The following SASH1 variants were observed in gnomAD, a reference collection of about 807,000 sequenced individuals.
SASH1 encodes the protein SAM and SH3 domain containing 1.
SASH1 carries 44 observed loss-of-function variants against 125.2 expected under a neutral mutation model. That is an observed-to-expected ratio of 0.35 (90% CI 0.28 to 0.45). The LOEUF is 0.45. SASH1 is among the 20% of genes least tolerant of loss of function. The pLI is 1.00. For synonymous variants in SASH1, 639 were observed against 649.1 expected (o/e 0.98, Z 0.24); for missense variants, 1,426 against 1,614.5 (o/e 0.88, Z 2.00).
At chr6:148,342,067 T>C (rs1295000201), upstream of SASH1, among the ~76,000 whole-genome samples, 9 of 152,134 alleles carry the variant, frequency 5.9e-5, no homozygotes, top group Admixed American at 1.3e-4. Flanking sequence ...GTTTCGAAAA[T>C]AGCCCTTCCC....
the SASH1 span, among the ~76,000 whole-genome samples, chr6:148,216,762 G>A: frequency 6.6e-5 from 10 of 151,480 alleles, no homozygotes; most frequent in East Asian, 1.9e-4. Flanking sequence ...ACAGAGTCAC[G>A]CTCTGTCTCC....
intron 2 of SASH1, among the ~76,000 whole-genome samples, chr6:148,436,785 C>G (rs1384334964): frequency 6.6e-6 from 1 of 152,210 alleles, no homozygotes; most frequent in Non-Finnish European, 1.5e-5. Flanking sequence ...TATTGCCTTT[C>G]TGAATTCATA....
rs561474100 is a variant in SASH1, at chr6:148,297,646, G to A, written n.74+25269G>A. On this transcript the variant is annotated intron_variant and non_coding_transcript_variant, in intron 1 of 3. Transcript: ENST00000367469. ...AGTTCAAGACCAGCCTGGGCAACAC[G>A]ATGAAACACTGTCTCCACTGAAATA... Among the ~76,000 whole-genome samples the A allele has an allele frequency of 1.1e-4, 17 of 152,228 alleles. No homozygotes were observed. In the East Asian group the frequency reaches 2.5e-3, roughly 23 times the overall value.
intron 4 of SASH1, among the ~76,000 whole-genome samples, chr6:148,449,436 G>A (rs1320064760): frequency 1.3e-5 from 2 of 149,716 alleles, no homozygotes; most frequent in East Asian, 3.9e-4. Flanking sequence ...TGCCCAGGCT[G>A]GAGTGCAATG....
intron 1 of SASH1, among the ~76,000 whole-genome samples, chr6:148,293,691 C>T (rs998555818): frequency 2.6e-5 from 4 of 152,180 alleles, no homozygotes; most frequent in Non-Finnish European, 5.9e-5. Context: ...CATGCCAGCA[C>T]CCTTTAAGCC....
At chr6:148,268,378 C>T (rs1778989657), upstream of SASH1, among the ~76,000 whole-genome samples, 1 of 152,156 alleles carries the variant, frequency 6.6e-6, no homozygotes, top group African/African-American at 2.4e-5. Flanking sequence ...TTACTTGAAG[C>T]TCACATGGGA....
chr6:148,418,813 C>T (rs1436287445), intron 2 of SASH1, among the ~76,000 whole-genome samples: 1 of 122,328 alleles, frequency 8.2e-6, no homozygotes. Flanking sequence ...GAGGCAGCAT[C>T]TTTAATTTCT....
chr6:148,411,537 T>A (rs1219141411), intron 2 of SASH1, among the ~76,000 whole-genome samples: 1 of 152,170 alleles, frequency 6.6e-6, no homozygotes, highest in East Asian at 1.9e-4. Flanking sequence ...ATTTTTATTT[T>A]ATTTATTAGT....
At chr6:148,451,679 C>T (rs922630516) in intron 4 of SASH1, among the ~76,000 whole-genome samples, 1 of 152,160 alleles carries the variant, frequency 6.6e-6, no homozygotes, top group African/African-American at 2.4e-5. Flanking sequence ...ATAATACCTT[C>T]AGATGAAGGT....
chr6:148,504,091 A>G lies in SASH1; in HGVS notation c.730-10233A>G, dbSNP rs181112566. Among the ~76,000 whole-genome samples the G allele has an allele frequency of 4.8e-3, 729 of 152,312 alleles. 2 individuals are homozygous for G. Among genetic ancestry groups the G allele is most frequent in the Non-Finnish European group, 8.6e-3 (587 of 68,024 alleles). On this transcript the variant is annotated intron_variant, in intron 8 of 19. Coordinates refer to ENST00000367467, the MANE Select transcript of SASH1 (RefSeq NM_015278.5). ...AATATATGTGTGAAGTCCTTGGATA[A>G]AGTATCTTTAGTCTAAGGTAGATGA...
chr6:148,226,766 A>G, the SASH1 span, among the ~76,000 whole-genome samples: 2 of 152,206 alleles, frequency 1.3e-5, no homozygotes, highest in Admixed American at 1.3e-4. Context: ...GTGGTAGAAG[A>G]GTCCATCTCT....
chr6:148,361,977 G>T (rs1158208300), intron 1 of SASH1, among the ~76,000 whole-genome samples: 4 of 135,992 alleles, frequency 2.9e-5, no homozygotes, highest in East Asian at 2.2e-4. Context: ...GCAGTGGCGC[G>T]ATCTCGGCTC....
intron 4 of SASH1, among the ~76,000 whole-genome samples, chr6:148,467,907 A>C (rs1777921251): frequency 6.6e-6 from 1 of 152,152 alleles, no homozygotes; most frequent in African/African-American, 2.4e-5. Context: ...ACTGTACTCC[A>C]GCTTGGACTA....
chr6:148,259,494 C>A, the SASH1 span, among the ~76,000 whole-genome samples: 1 of 152,296 alleles, frequency 6.6e-6, no homozygotes, highest in East Asian at 1.9e-4. Flanking sequence ...CTGTTGAAGG[C>A]GCCACGAAGA....
chr6:148,323,311 C>T (rs917549311), intron 1 of SASH1, among the ~76,000 whole-genome samples: 13 of 152,000 alleles, frequency 8.6e-5, no homozygotes, highest in African/African-American at 2.9e-4. Flanking sequence ...GCCTGGCCAA[C>T]GGTGGCTCTT....
rs192183049 is a variant in SASH1, at chr6:148,361,838, A to T, written c.156+18615A>T. On this transcript the variant is annotated intron_variant, in intron 1 of 19. Transcript: ENST00000367467. ...GCCTCCTCCAGGGTACTTAGTGAGC[A>T]ACAGGAGAGACAGAGACAGAGGGAA... 4.6e-5 allele frequency among the ~76,000 whole-genome samples: 7 copies of T among 152,206 alleles called. No homozygotes were observed. In the East Asian group the frequency reaches 9.7e-4, roughly 21 times the overall value.
Position 148,525,358 on chromosome 6 carries a change from A to T in SASH1, c.1277A>T (p.Asp426Val). The T allele has an allele frequency of 6.2e-7, 1 of 1,613,350 alleles. No individual in the cohort carries two copies. Among genetic ancestry groups the T allele is most frequent in the Non-Finnish European group, 8.5e-7 (1 of 1,179,318 alleles). Residue 426 changes from aspartate to valine, a missense_variant, in exon 11 of 20, where the codon GAC becomes GTC. Physicochemically the swap from Asp to Val is radical, Grantham distance 152. This residue lies in a region of SASH1 where 567 missense variants were observed against 575.6 expected (regional missense o/e 0.99). Transcript: ENST00000367467. ...RSLHVGSNNS[D>V]PMGKEGDFVY... Reference sequence around the variant, plus strand: ...CTGCACGTTGGCAGTAATAATTCTGACCCAATGGTGAGTAACATCAGAGGA... The same window carrying T: ...CTGCACGTTGGCAGTAATAATTCTGTCCCAATGGTGAGTAACATCAGAGGA...
the SASH1 span, among the ~76,000 whole-genome samples, chr6:148,261,140 T>G: frequency 6.6e-6 from 1 of 152,124 alleles, no homozygotes; most frequent in South Asian, 2.1e-4. Context: ...TTGTCCAAAT[T>G]TTCTACTATT....
chr6:148,487,688 A>T lies in SASH1; in HGVS notation c.702A>T (p.Pro234=). ...CTGACTGGCCAGATGGTTCTTACCC[A>T]ACGTTTGATGGCTCATCAAACTGCA... The part of the protein sequence containing the change: ...DPADWPDGSY[P]TFDGSSNCNS... Residue 234 remains proline, a synonymous_variant, in exon 8 of 20, where the codon CCA becomes CCT. Coordinates refer to ENST00000367467, the MANE Select transcript of SASH1 (RefSeq NM_015278.5). 1 of 1,613,362 alleles carries T rather than the reference A, an allele frequency of 6.2e-7. No individual in the cohort carries two copies. Among genetic ancestry groups the T allele is most frequent in the Non-Finnish European group, 8.5e-7 (1 of 1,179,538 alleles).
Sources: gnomAD v4.1 joint callset for allele counts (sites outside exome capture counted in the v4.1 genomes callset) on GRCh38, gnomAD v4.1.1 for gene constraint, gnomAD v4.1.1 regional missense constraint, MANE v1.5 for transcripts, NCBI Gene and HGNC (gene_info 2026-07-23, HGNC 2026-07-21) for gene names.